C9orf85: variants seen among roughly 807,000 people sequenced by gnomAD.
C9orf85 encodes uncharacterized protein C9orf85.
A neutral mutation model predicts 14.9 loss-of-function variants in C9orf85; 16 were observed. The ratio of observed to expected loss-of-function variants is 1.08; its 90% CI spans 0.73 to 1.63. The LOEUF is 1.63. Among genes scored for constraint, C9orf85 ranks in the 40% most tolerant of loss-of-function variants. The pLI is 0.00. For missense variants in C9orf85, 172 were observed against 186.1 expected (o/e 0.92, Z 0.44); for synonymous variants, 45 against 56.8 (o/e 0.79, Z 0.93).
chr9:71,971,227 T>G lies in C9orf85; in HGVS notation c.210-278T>G, dbSNP rs189277663. The stretch of plus-strand genomic sequence containing the variant: ...TTCTTGGTAGTGTATAGAAATACAG[T>G]TGAGTTTTGTATATTGATCTTGTTT... On this transcript the variant is annotated intron_variant, in intron 2 of 3. Transcript: ENST00000334731. Among the ~76,000 whole-genome samples the G allele has an allele frequency of 3.3e-5, 5 of 152,328 alleles. No individual in the cohort carries two copies. In the East Asian group the frequency reaches 9.6e-4, roughly 29 times the overall value.
chr9:71,980,337 G>C (rs1041809788), intron 3 of C9orf85, among the ~76,000 whole-genome samples: 1 of 151,974 alleles, frequency 6.6e-6, no homozygotes, highest in African/African-American at 2.4e-5. Context: ...TAATCTGTAA[G>C]AGTTATTTAT....
At position 71,911,670 on chromosome 9, in the gene C9orf85, T is replaced by G. The variant is rs1021004202; in HGVS notation, c.-65T>G. The G allele has an allele frequency of 7.4e-7, 1 of 1,343,280 alleles. No individual in the cohort carries two copies. 83.2% of individuals were successfully genotyped at this position (1,343,280 alleles called of 1,614,324 possible). On this transcript the variant is annotated 5_prime_UTR_variant, in exon 1 of 4. Transcript: ENST00000334731. ...AGAAGCGTCAATTCCTGGGAGTAGT[T>G]CGTTGGTTTTCTTTCCCCTCATCCT...
intron 1 of C9orf85, among the ~76,000 whole-genome samples, chr9:71,944,034 G>C (rs1219095610): frequency 6.6e-6 from 1 of 151,596 alleles, no homozygotes; most frequent in Non-Finnish European, 1.5e-5. Flanking sequence ...CCAGGAGTTC[G>C]AGACCAGCCT....
intron 1 of C9orf85, among the ~76,000 whole-genome samples, chr9:71,944,790 TCTTA>T (rs1822040286): frequency 6.6e-6 from 1 of 152,146 alleles, no homozygotes; most frequent in South Asian, 2.1e-4. Flanking sequence ...TCTTTCTCAT[TCTTA>T]CTCTCATTAA....
chr9:71,914,292 G>A (rs553889693), intron 1 of C9orf85, among the ~76,000 whole-genome samples: 5 of 151,902 alleles, frequency 3.3e-5, no homozygotes, highest in South Asian at 4.2e-4. Flanking sequence ...ACACAAATTC[G>A]TAAATTTTCT....
At chr9:71,972,123 T>C (rs2132363457) in intron 3 of C9orf85, among the ~76,000 whole-genome samples, 1 of 152,336 alleles carries the variant, frequency 6.6e-6, no homozygotes, top group Non-Finnish European at 1.5e-5. Context: ...AATATTTATG[T>C]GTGAGATTCA....
In C9orf85 at chr9:71,981,814, G is replaced by C. The variant is rs1477316198; in HGVS notation, c.324-843G>C. ...TTGGGAATTACTGAGAAAAATACCAGCCTTCATTGTGCTGTAAAGTCAGTT... is the reference window on the plus strand; with the variant it reads ...TTGGGAATTACTGAGAAAAATACCACCCTTCATTGTGCTGTAAAGTCAGTT... On this transcript the variant is annotated intron_variant, in intron 3 of 3. Transcript: ENST00000377031. Among the ~76,000 whole-genome samples, 3 of 152,080 alleles carry C rather than the reference G, an allele frequency of 2.0e-5. No individual in the cohort carries two copies. In the East Asian group the frequency reaches 5.8e-4, roughly 29 times the overall value.
At chr9:71,965,478 C>T (rs943428683) in intron 2 of C9orf85, among the ~76,000 whole-genome samples, 1 of 152,160 alleles carries the variant, frequency 6.6e-6, no homozygotes, top group African/African-American at 2.4e-5. Context: ...TCTCCAGTTT[C>T]CCAAACTAGT....
At chr9:71,984,200 A>G (rs1233055569), downstream of C9orf85, 2 of 152,210 alleles carry the variant, frequency 1.3e-5, no homozygotes, top group Non-Finnish European at 2.9e-5. Context: ...GTCCACCACT[A>G]GACTGGCTGC....
intron 2 of C9orf85, among the ~76,000 whole-genome samples, chr9:71,955,936 G>A (rs1167261036): frequency 6.6e-6 from 1 of 152,072 alleles, no homozygotes; most frequent in Non-Finnish European, 1.5e-5. Flanking sequence ...TTTATAGTCC[G>A]TATGTTTTAA....
downstream of C9orf85, among the ~76,000 whole-genome samples, chr9:71,975,046 G>A (rs1275064796): frequency 1.3e-5 from 2 of 152,180 alleles, no homozygotes; most frequent in African/African-American, 4.8e-5. Context: ...CATAAAAAAA[G>A]TGCAGACATA....
At chr9:71,917,263 CT>C in intron 1 of C9orf85, among the ~76,000 whole-genome samples, 1 of 152,318 alleles carries the variant, frequency 6.6e-6, no homozygotes, top group South Asian at 2.1e-4. Flanking sequence ...TTGAAATGTT[CT>C]AGGGAGAGTC....
intron 1 of C9orf85, among the ~76,000 whole-genome samples, chr9:71,922,802 G>A (rs1462629732): frequency 2.6e-5 from 4 of 152,176 alleles, no homozygotes; most frequent in African/African-American, 9.7e-5. Context: ...CCACAGACTT[G>A]CTCCTCACTG....
intron 1 of C9orf85, among the ~76,000 whole-genome samples, chr9:71,927,956 C>T (rs1440435994): frequency 6.6e-6 from 1 of 151,986 alleles, no homozygotes; most frequent in Non-Finnish European, 1.5e-5. Flanking sequence ...GAGGCCAAGG[C>T]GGGTGGATCA....
At position 71,911,951 on chromosome 9, in the gene C9orf85, TAGTC is replaced by T. The variant is rs374115473; in HGVS notation, c.102+116_102+119del. 1.3e-3 allele frequency: 1,181 copies of T among 878,888 alleles called. 9 individuals carry two copies. The Middle Eastern group carries it at 0.019, about 14-fold the overall frequency. The allele number at this position is 878,888 out of a possible 1,614,324, so 54.4% of individuals were successfully genotyped here. A position where few individuals can be genotyped will look rare whatever the true frequency, so the allele number is the denominator to read the frequency against. On this transcript the variant is annotated intron_variant, in intron 1 of 3. Transcript: ENST00000334731. ...GCGAGTGTGGACCGCAGCCCAGAGTTAGTCTTGGCTGCAGTGCAACTCTTTCTAA... is the reference window on the plus strand; with the variant it reads ...GCGAGTGTGGACCGCAGCCCAGAGTTTTGGCTGCAGTGCAACTCTTTCTAA...
chr9:71,940,952 G>GTT (rs1821913026), intron 1 of C9orf85, among the ~76,000 whole-genome samples: 2 of 152,176 alleles, frequency 1.3e-5, no homozygotes, highest in Admixed American at 1.3e-4. Context: ...AGGCAAAACT[G>GTT]TAGGAGCAGA....
chr9:71,942,513 CTCT>C (rs1026273480), intron 1 of C9orf85, among the ~76,000 whole-genome samples: 2 of 152,246 alleles, frequency 1.3e-5, no homozygotes, highest in African/African-American at 4.8e-5. Context: ...TGATTCCCTC[CTCT>C]ATTTTTTGGT....
chr9:71,952,552 G>A (rs375576466), intron 2 of C9orf85, among the ~76,000 whole-genome samples: 8 of 152,206 alleles, frequency 5.3e-5, no homozygotes, highest in Admixed American at 2.0e-4. Context: ...ATTTTTAGTA[G>A]AGACGGGGTT....
chr9:71,934,861 C>T (rs1241122155), intron 1 of C9orf85, among the ~76,000 whole-genome samples: 1 of 152,022 alleles, frequency 6.6e-6, no homozygotes, highest in Non-Finnish European at 1.5e-5. Context: ...CAGAGCAAGA[C>T]CCTGTCTCAG....
Sources: allele counts gnomAD v4.1 joint callset (sites outside exome capture counted in the v4.1 genomes callset), GRCh38; gene constraint gnomAD v4.1.1; transcripts MANE v1.5; gene names NCBI Gene and HGNC (gene_info 2026-07-23, HGNC 2026-07-21).